The following CADPS variants were observed in gnomAD, a reference collection of about 807,000 sequenced individuals.
CADPS encodes calcium-dependent secretion activator 1.
In CADPS, 57 loss-of-function variants were observed where a neutral mutation model predicts 167.3. The observed-to-expected ratio is 0.34, with a 90% confidence interval of 0.28 to 0.42. The LOEUF (loss-of-function observed/expected upper bound fraction) is 0.42. Among genes scored for constraint, CADPS ranks in the 20% least tolerant of loss-of-function variants. The pLI is 1.00. For synonymous variants in CADPS, 676 were observed against 635.3 expected (o/e 1.06, Z -0.96); for missense variants, 1,414 against 1,738.1 (o/e 0.81, Z 3.32).
intron 3 of CADPS, among the ~76,000 whole-genome samples, chr3:62,736,195 G>A (rs559719136): frequency 2.0e-5 from 3 of 152,302 alleles, no homozygotes; most frequent in East Asian, 1.9e-4. Context: ...ATAGGAAGAT[G>A]TTCTCCTTGC....
At chr3:62,765,816 T>A (rs1210016056) in intron 2 of CADPS, 55 bp downstream of exon 2, 1 of 1,167,586 alleles carries the variant, frequency 8.6e-7, no homozygotes, top group African/African-American at 1.5e-5. Flanking sequence ...CAGCTCAGAC[T>A]CCCCAGGCAT....
chr3:62,799,335 G>T (rs922862236), intron 1 of CADPS, among the ~76,000 whole-genome samples: 9 of 152,130 alleles, frequency 5.9e-5, no homozygotes, highest in African/African-American at 1.9e-4. Context: ...GCCTGTTGGT[G>T]TGCTCTAACT....
intron 11 of CADPS, among the ~76,000 whole-genome samples, chr3:62,538,656 T>C (rs554337202): frequency 3.2e-4 from 49 of 152,268 alleles, no homozygotes; most frequent in African/African-American, 1.1e-3. Context: ...ACTCTGCCAG[T>C]TTGGCTTGGC....
chr3:62,742,910 T>A (rs1214260752), intron 3 of CADPS, among the ~76,000 whole-genome samples: 1 of 152,112 alleles, frequency 6.6e-6, no homozygotes, highest in Non-Finnish European at 1.5e-5. Context: ...CATGCATCTA[T>A]AAGGAACTTA....
chr3:62,736,730 T>C (rs1030199013), intron 3 of CADPS, among the ~76,000 whole-genome samples: 4 of 152,158 alleles, frequency 2.6e-5, no homozygotes, highest in African/African-American at 7.2e-5. Context: ...TGAAAAGAAG[T>C]CCTTATTTCT....
intron 1 of CADPS, among the ~76,000 whole-genome samples, chr3:62,769,992 T>C (rs1447570659): frequency 6.6e-6 from 1 of 152,176 alleles, no homozygotes; most frequent in East Asian, 1.9e-4. Context: ...AAGAGCCAAA[T>C]GATAAACTCA....
At chr3:62,555,716 T>C (rs916537289) in intron 10 of CADPS, among the ~76,000 whole-genome samples, 4 of 152,158 alleles carry the variant, frequency 2.6e-5, no homozygotes, top group Admixed American at 2.0e-4. Context: ...TAGCGTCCCA[T>C]TTTATGTTTA....
At chr3:62,734,707 C>G (rs1295160485) in intron 3 of CADPS, among the ~76,000 whole-genome samples, 4 of 152,102 alleles carry the variant, frequency 2.6e-5, no homozygotes, top group African/African-American at 9.7e-5. Flanking sequence ...GTCCATTCTA[C>G]TACTGATAGA....
chr3:62,538,334 G>A (rs1238495870), intron 11 of CADPS, among the ~76,000 whole-genome samples: 1 of 152,078 alleles, frequency 6.6e-6, no homozygotes, highest in African/African-American at 2.4e-5. Context: ...CAAGGCAAGT[G>A]TCTTAAACCT....
At chr3:62,756,527 C>A (rs530309900) in intron 2 of CADPS, among the ~76,000 whole-genome samples, 1 of 152,156 alleles carries the variant, frequency 6.6e-6, no homozygotes, top group Non-Finnish European at 1.5e-5. Context: ...AGGAATACAA[C>A]GGTGAGGAAG....
At chr3:62,797,179 C>A (rs1000072623) in intron 1 of CADPS, among the ~76,000 whole-genome samples, 2 of 151,444 alleles carry the variant, frequency 1.3e-5, no homozygotes, top group African/African-American at 4.8e-5. Context: ...TGTTTTTTTT[C>A]CTCAGGGAGT....
intron 28 of CADPS, among the ~76,000 whole-genome samples, chr3:62,426,312 A>G (rs370500657): frequency 3.3e-5 from 5 of 152,204 alleles, no homozygotes; most frequent in African/African-American, 1.2e-4. Flanking sequence ...TGCCATGCTC[A>G]GCTAATTTTT....
chr3:62,451,976 C>G (rs1285883565), intron 26 of CADPS, among the ~76,000 whole-genome samples: 1 of 152,146 alleles, frequency 6.6e-6, no homozygotes, highest in Admixed American at 6.5e-5. Context: ...AGCCTCATAT[C>G]TAGAATGTAG....
At position 62,602,371 on chromosome 3, in the gene CADPS, T is replaced by C. The variant is rs1055424933; in HGVS notation, c.1326-9623A>G. On this transcript the variant is annotated intron_variant, in intron 6 of 29. Coordinates refer to ENST00000383710, the MANE Select transcript of CADPS (RefSeq NM_003716.4). The surrounding 1 kb of genome is among the most constrained non-coding windows in gnomAD (Gnocchi z 4.4). ...GCATTTATTCAAGGTATACGGCTCA[T>C]GTGAACTGGGTGTTAAATTGGTGCG... 1.3e-5 allele frequency among the ~76,000 whole-genome samples: 2 copies of C among 152,136 alleles called. No individual in the cohort carries two copies. The highest frequency in any genetic ancestry group is 3.9e-4 in the East Asian group (2 of 5,182).
At chr3:62,416,714 CT>C (rs1253435727) in intron 28 of CADPS, among the ~76,000 whole-genome samples, 2 of 152,138 alleles carry the variant, frequency 1.3e-5, no homozygotes, top group African/African-American at 4.8e-5. Context: ...CAGCTATGGT[CT>C]CTCAAAGATT....
rs2074585893 is a variant in CADPS, at chr3:62,829,078, A to T, written c.441+45511T>A. Among the ~76,000 whole-genome samples the T allele has an allele frequency of 1.3e-5, 2 of 152,140 alleles. 1 individual carries two copies. Among genetic ancestry groups the T allele is most frequent in the Non-Finnish European group, 2.9e-5 (2 of 68,020 alleles). ...TTAATAAAAATGGTGGCATATCAAC[A>T]TCTTAGGGACCTGATGACTAATGGT... On this transcript the variant is annotated intron_variant, in intron 1 of 29. Coordinates refer to ENST00000383710, the MANE Select transcript of CADPS (RefSeq NM_003716.4).
intron 17 of CADPS, among the ~76,000 whole-genome samples, chr3:62,511,856 C>T (rs1347850969): frequency 6.6e-6 from 1 of 152,108 alleles, no homozygotes; most frequent in East Asian, 1.9e-4. Flanking sequence ...AACACTGTAC[C>T]TGCTACAGGG....
intron 19 of CADPS, among the ~76,000 whole-genome samples, chr3:62,492,824 T>C (rs2063972567): frequency 6.6e-6 from 1 of 152,200 alleles, no homozygotes; most frequent in Non-Finnish European, 1.5e-5. Flanking sequence ...CTTCACTGTG[T>C]TTATGGGTTT....
chr3:62,757,543 G>A (rs2084274739), intron 2 of CADPS, among the ~76,000 whole-genome samples: 2 of 152,142 alleles, frequency 1.3e-5, no homozygotes, highest in South Asian at 4.2e-4. Flanking sequence ...TGTCTGGATT[G>A]GGGCGAGAAG....
Sources: gnomAD v4.1 joint callset for allele counts (sites outside exome capture counted in the v4.1 genomes callset) on GRCh38, gnomAD v4.1.1 for gene constraint, Gnocchi (gnomAD v3.1) non-coding constraint, MANE v1.5 for transcripts, NCBI Gene and HGNC (gene_info 2026-07-23, HGNC 2026-07-21) for gene names.